ANKRD18B: variants seen among roughly 807,000 people sequenced by gnomAD.
ANKRD18B encodes ankyrin repeat domain 18B.
In ANKRD18B, 75 loss-of-function variants were observed where a neutral mutation model predicts 111.8. The observed-to-expected ratio is 0.67, with a 90% CI of 0.56 to 0.81. The LOEUF (loss-of-function observed/expected upper bound fraction) is 0.81. ANKRD18B is among the 40% of genes least tolerant of loss of function. The pLI is 0.00. For missense variants in ANKRD18B, 1,038 were observed against 1,225.5 expected, an observed-to-expected ratio of 0.85 and a Z score of 2.28; for synonymous variants, 356 against 417.3, an observed-to-expected ratio of 0.85 and a Z score of 1.79.
downstream of ANKRD18B, among the ~76,000 whole-genome samples, chr9:33,573,832 C>T (rs1235117425): frequency 6.9e-6 from 1 of 145,118 alleles, no homozygotes; most frequent in Non-Finnish European, 1.6e-5. Flanking sequence ...TCAGCAGGGA[C>T]CTGGTTAGCG....
chr9:33,530,978 C>T (rs770832289), intron 3 of ANKRD18B, among the ~76,000 whole-genome samples: 1 of 152,084 alleles, frequency 6.6e-6, no homozygotes, highest in South Asian at 2.1e-4. Context: ...AGTAGCAAAT[C>T]TTGAACCTTT....
At chr9:33,534,193 A>G (rs1387709875) in intron 4 of ANKRD18B, among the ~76,000 whole-genome samples, 177 bp from the exon 5 acceptor site, 1 of 152,176 alleles carries the variant, frequency 6.6e-6, no homozygotes, top group East Asian at 1.9e-4. Flanking sequence ...CTTGGTGGTA[A>G]TTTAACAAGA....
intron 6 of ANKRD18B, among the ~76,000 whole-genome samples, chr9:33,539,091 TTAAA>T (rs1432790215): frequency 6.6e-6 from 1 of 152,220 alleles, no homozygotes; most frequent in African/African-American, 2.4e-5. Flanking sequence ...ACTTGTCCAC[TTAAA>T]TAATAACTAT....
intron 13 of ANKRD18B, among the ~76,000 whole-genome samples, chr9:33,556,809 A>C (rs1828533844): frequency 6.6e-6 from 1 of 152,114 alleles, no homozygotes; most frequent in Admixed American, 6.6e-5. Context: ...TTTCTTTTAG[A>C]TATAAAACAT....
intron 1 of ANKRD18B, among the ~76,000 whole-genome samples, chr9:33,527,749 G>T (rs111880208): frequency 0.11 from 16,358 of 152,144 alleles, 1,049 homozygotes; most frequent in Middle Eastern, 0.19. Flanking sequence ...TGCCTAGAAC[G>T]GCCCTAGACC....
At chr9:33,573,260 C>A (rs1331045788), downstream of ANKRD18B, 2 of 985,208 alleles carry the variant, frequency 2.0e-6, no homozygotes, top group Admixed American at 1.2e-4. Flanking sequence ...TAGTCCCCAA[C>A]AGAAGAACCA....
At chr9:33,567,898 A>G (rs1212759892) in intron 16 of ANKRD18B, among the ~76,000 whole-genome samples, 1 of 152,272 alleles carries the variant, frequency 6.6e-6, no homozygotes, top group Non-Finnish European at 1.5e-5. Context: ...AAGAAGGGTA[A>G]TCCACAAGGT....
intron 10 of ANKRD18B, among the ~76,000 whole-genome samples, chr9:33,547,133 A>T (rs186880000): frequency 1.5e-4 from 23 of 152,274 alleles, no homozygotes; most frequent in Non-Finnish European, 2.2e-4. Context: ...TGGCTATTTC[A>T]TGGAGAATCC....
In ANKRD18B at chr9:33,548,702, T is replaced by C; in HGVS notation, c.1914T>C (p.Gly638=). 1.3e-6 allele frequency: 2 copies of C among 1,551,024 alleles called. No individual in the cohort carries two copies. The highest frequency in any genetic ancestry group is 1.7e-6 in the Non-Finnish European group (2 of 1,146,620). The change falls in exon 11 of 19, where the codon GGT becomes GGC. Residue 638 remains glycine, a synonymous_variant. Coordinates refer to ENST00000684830, the MANE Select transcript of ANKRD18B (RefSeq NM_001393611.1). ...ERQLEDARKE[G]DNKEIVINIH... The stretch of plus-strand genomic sequence containing the variant: ...AACTAGAGGATGCTCGTAAGGAAGG[T>C]GATAATAAAGAGATAGTCATTAATA...
chr9:33,569,771 C>T (rs181142919), intron 17 of ANKRD18B, among the ~76,000 whole-genome samples: 102 of 152,216 alleles, frequency 6.7e-4, no homozygotes, highest in African/African-American at 2.2e-3. Context: ...TGGTGGCTCA[C>T]GCCTGTAATC....
intron 12 of ANKRD18B, among the ~76,000 whole-genome samples, chr9:33,555,476 A>G (rs1828508549): frequency 6.6e-6 from 1 of 152,144 alleles, no homozygotes; most frequent in South Asian, 2.1e-4. Flanking sequence ...TTTAACAAAC[A>G]TTTTTGGCAG....
intron 12 of ANKRD18B, among the ~76,000 whole-genome samples, chr9:33,553,224 G>T (rs1415925270): frequency 6.6e-6 from 1 of 151,876 alleles, no homozygotes; most frequent in African/African-American, 2.4e-5. Flanking sequence ...TTAAACAGCT[G>T]GGGCATGGTG....
At chr9:33,535,175 C>T (rs1249758419) in intron 5 of ANKRD18B, among the ~76,000 whole-genome samples, 1 of 151,982 alleles carries the variant, frequency 6.6e-6, no homozygotes, top group Non-Finnish European at 1.5e-5. Flanking sequence ...GTAACTGGTC[C>T]TGCAATCTGG....
In ANKRD18B at chr9:33,541,203, A is replaced by T. The variant is rs1277124670; in HGVS notation, c.1054A>T (p.Lys352Ter). Residue 352 changes from lysine (K) to a stop codon, truncating the protein, a stop_gained, in exon 9 of 19, where the codon AAA (lysine) becomes TAA (stop). Coordinates refer to ENST00000684830, the MANE Select transcript of ANKRD18B (RefSeq NM_001393611.1). LOFTEE classifies it high-confidence loss of function. ...LKKRKKRKKLKKRKEGAKEHN... is the reference protein window; with the variant it reads ...LKKRKKRKKL ...AAAAAGAAAAAAAAGAAAAAAATTG[A>T]AAAAAAGAAAAGAAGGTGCAAAAGG... 6.5e-7 allele frequency: 1 copy of T among 1,546,166 alleles called. No homozygotes were observed. The highest frequency in any genetic ancestry group is 1.4e-5 in the African/African-American group (1 of 72,450).
chr9:33,533,459 G>C lies in ANKRD18B; in HGVS notation c.516G>C (p.Leu172Phe). 2.0e-6 allele frequency: 3 copies of C among 1,529,376 alleles called. No individual in the cohort carries two copies. The South Asian group carries it at 3.8e-5, about 19-fold the overall frequency. 94.7% of individuals were successfully genotyped at this position (1,529,376 alleles called of 1,614,324 possible). A position where few individuals can be genotyped will look rare whatever the true frequency, so the allele number is the denominator to read the frequency against. Residue 172 changes from leucine to phenylalanine, a missense_variant, in exon 4 of 19, where the codon TTG becomes TTC. Around this residue, in one of 4 missense-constraint regions of ANKRD18B, gnomAD observed 93 missense variants for 141.3 expected, o/e 0.66. Transcript: ENST00000684830. ...ALNKEGNTPLLFAINSRRQHM... is the reference protein window; with the variant it reads ...ALNKEGNTPLFFAINSRRQHM... ...TACAGGAGGGAAACACTCCACTTTT[G>C]TTTGCTATAAATTCCAGGAGACAGC...
intron 5 of ANKRD18B, 81 bp from the exon 6 acceptor site, chr9:33,536,797 G>C (rs1175385317): frequency 2.2e-6 from 2 of 918,284 alleles, no homozygotes; most frequent in Non-Finnish European, 3.1e-6. Context: ...TGTCTGAAAT[G>C]CTTTAAGAAT....
In ANKRD18B at chr9:33,548,302, A is replaced by G. The variant is rs947164950; in HGVS notation, c.1514A>G (p.Asn505Ser). 6 of 1,549,802 alleles carry G rather than the reference A, an allele frequency of 3.9e-6. No individual in the cohort carries two copies. The African/African-American group carries it at 5.5e-5, about 14-fold the overall frequency. ...SNLATAINEYNEILERKDLEL... is the reference protein window; with the variant it reads ...SNLATAINEYSEILERKDLEL... ...TTGGCCACTGCTATAAATGAGTACA[A>G]TGAAATTTTGGAAAGAAAAGACCTA... is the stretch of plus-strand genomic sequence containing the variant. Residue 505 changes from asparagine to serine, a missense_variant, in exon 11 of 19, where the codon AAT becomes AGT. By Grantham distance (46) the Asn-to-Ser change is conservative. Around this residue, in one of 4 missense-constraint regions of ANKRD18B, gnomAD observed 205 missense variants for 201.3 expected, o/e 1.02. Transcript: ENST00000684830.
chr9:33,543,977 A>C (rs1828320294), intron 10 of ANKRD18B, among the ~76,000 whole-genome samples: 1 of 152,210 alleles, frequency 6.6e-6, no homozygotes, highest in Non-Finnish European at 1.5e-5. Flanking sequence ...TTGAAGTAGA[A>C]TCAAAATTTT....
chr9:33,540,369 C>T (rs1828261618), intron 8 of ANKRD18B, among the ~76,000 whole-genome samples, 157 bp downstream of exon 8: 1 of 152,116 alleles, frequency 6.6e-6, no homozygotes, highest in South Asian at 2.1e-4. Flanking sequence ...ATTTTATTAG[C>T]TGGGTCACAC....
Sources: gnomAD v4.1 joint callset for allele counts (sites outside exome capture counted in the v4.1 genomes callset) on GRCh38, gnomAD v4.1.1 for gene constraint, gnomAD v4.1.1 regional missense constraint, MANE v1.5 for transcripts, NCBI Gene and HGNC (gene_info 2026-07-23, HGNC 2026-07-21) for gene names.